Variants in ADCY6 observed in about 807,000 individuals in gnomAD.
ADCY6 encodes adenylate cyclase type 6.
Under a neutral mutation model 111.6 loss-of-function variants are expected in ADCY6, and 59 were observed. The observed-to-expected ratio is 0.53, with a 90% CI of 0.43 to 0.66. The LOEUF (loss-of-function observed/expected upper bound fraction) is 0.66. Ranked by LOEUF, ADCY6 falls within the 30% of genes least tolerant of loss-of-function variation. The pLI is 0.00. For missense variants in ADCY6, 1,242 were observed against 1,595.6 expected (o/e 0.78, Z 3.78); for synonymous variants, 576 against 642.9 (o/e 0.90, Z 1.57).
chr12:48,776,912 G>A lies in ADCY6; in HGVS notation c.1376+192C>T, dbSNP rs988375048. Among the ~76,000 whole-genome samples the A allele has an allele frequency of 8.5e-5, 13 of 152,168 alleles. No individual in the cohort carries two copies. The highest frequency in any genetic ancestry group is 1.4e-4 in the African/African-American group (6 of 41,440). On this transcript the variant is annotated intron_variant, in intron 6 of 21. Coordinates refer to ENST00000357869, the MANE Select transcript of ADCY6 (RefSeq NM_015270.5). The surrounding 1 kb of genome is among the most constrained non-coding windows in gnomAD (Gnocchi z 6.1). ...GCATAGGCTCTCCCGGCCCCATCTC[G>A]GCTGGCTGGGAGTCTAGGGGTCCGC...
rs753286159 is a variant in ADCY6 at position 48,777,370 on chromosome 12, G to A, written c.1248+40C>T. The A allele has an allele frequency of 1.2e-6, 2 of 1,609,392 alleles. No homozygotes were observed. Among genetic ancestry groups the A allele is most frequent in the South Asian group, 2.2e-5 (2 of 90,862 alleles). On this transcript the variant is annotated intron_variant, in intron 5 of 21. Coordinates refer to ENST00000357869, the MANE Select transcript of ADCY6 (RefSeq NM_015270.5). The surrounding 1 kb of genome is among the most constrained non-coding windows in gnomAD (Gnocchi z 4.9). ...CCAGCAAAGCTATGCTCTCACCACG[G>A]TCAACACCCAGGCCCAATCCCAAGG...
intron 2 of ADCY6, among the ~76,000 whole-genome samples, chr12:48,780,963 G>C (rs541065809): frequency 5.9e-5 from 9 of 152,168 alleles, no homozygotes; most frequent in Non-Finnish European, 1.2e-4. Context: ...CACTTTGGGA[G>C]GCCAAGGCGG....
chr12:48,786,687 C>G (rs1941984971), intron 1 of ADCY6, among the ~76,000 whole-genome samples: 1 of 152,192 alleles, frequency 6.6e-6, no homozygotes. Context: ...ACATCACCAA[C>G]AGCACCATCT....
At position 48,767,723 on chromosome 12, in the gene ADCY6, GA is replaced by G. The variant is rs1941413333; in HGVS notation, c.*867del. 1 of 152,796 alleles carries G rather than the reference GA, an allele frequency of 6.5e-6. No homozygotes were observed. Among genetic ancestry groups the G allele is most frequent in the South Asian group, 2.1e-4 (1 of 4,828 alleles). The allele number at this position is 152,796 out of a possible 1,614,324, so 9.5% of individuals were successfully genotyped here. A position where few individuals can be genotyped will look rare whatever the true frequency, so the allele number is the denominator to read the frequency against. On this transcript the variant is annotated 3_prime_UTR_variant, in exon 22 of 22. Coordinates refer to ENST00000357869, the MANE Select transcript of ADCY6 (RefSeq NM_015270.5). ...AGAGAGCACTGGGGCAGAGTGACCT[GA>G]TCTGGACCCCGACGGGGTCCTCAGA...
chr12:48,784,540 G>A (rs73296137), intron 1 of ADCY6, among the ~76,000 whole-genome samples: 1 of 151,866 alleles, frequency 6.6e-6, no homozygotes, highest in Non-Finnish European at 1.5e-5. Context: ...TTCAGAACTG[G>A]GAGGAAAAGA....
Position 48,774,970 on chromosome 12 carries a change from G to A in ADCY6, c.2065C>T (p.Leu689Phe), listed in dbSNP as rs1941655164. The A allele has an allele frequency of 6.4e-7, 1 of 1,555,508 alleles. No homozygotes were observed. Among genetic ancestry groups the A allele is most frequent in the African/African-American group, 1.4e-5 (1 of 73,216 alleles). The change falls in exon 12 of 22, where the codon CTC (leucine) becomes TTC (phenylalanine). Residue 689 changes from leucine to phenylalanine, a missense_variant. By Grantham distance (22) the Leu-to-Phe change is conservative. Around this residue, in one of 4 missense-constraint regions of ADCY6, gnomAD observed 375 missense variants for 432.5 expected, o/e 0.87. Coordinates refer to ENST00000357869, the MANE Select transcript of ADCY6 (RefSeq NM_015270.5). ...VFCFICFIQL[L>F]IFPHSTLMLG... ...CAGGGCTCTCACTGTGGGAAGATGA[G>A]AAGCTGGATGAAGCAGATGAAGCAG...
In ADCY6 at chr12:48,768,354, C is replaced by G; in HGVS notation, c.*237G>C. 2 of 584,690 alleles carry G rather than the reference C, an allele frequency of 3.4e-6. No individual in the cohort carries two copies. The highest frequency in any genetic ancestry group is 6.0e-6 in the Non-Finnish European group (2 of 333,484). 36.2% of individuals were successfully genotyped at this position (584,690 alleles called of 1,614,324 possible). Reference sequence around the variant, plus strand: ...AAAGGCTGGAAGATTGGAGAGGGAACAGCCCTACCCCAAGTAAGAAAGAAA... The same window carrying G: ...AAAGGCTGGAAGATTGGAGAGGGAAGAGCCCTACCCCAAGTAAGAAAGAAA... On this transcript the variant is annotated 3_prime_UTR_variant, in exon 22 of 22. Coordinates refer to ENST00000357869, the MANE Select transcript of ADCY6 (RefSeq NM_015270.5).
rs1170178295 is a variant in ADCY6, at chr12:48,782,376, C to T, written c.864+195G>A. 1.3e-5 allele frequency among the ~76,000 whole-genome samples: 2 copies of T among 152,126 alleles called. No homozygotes were observed. The highest frequency in any genetic ancestry group is 2.9e-5 in the Non-Finnish European group (2 of 68,022). On this transcript the variant is annotated intron_variant, in intron 2 of 21. Coordinates refer to ENST00000357869, the MANE Select transcript of ADCY6 (RefSeq NM_015270.5). The surrounding 1 kb of genome is among the most constrained non-coding windows in gnomAD (Gnocchi z 4.3). ...CCTCCCCTCAGCAGTGTCCTCTACC[C>T]CAGATCCCACATGGAGGCAGACCCC...
intron 20 of ADCY6, 128 bp downstream of exon 20, chr12:48,770,635 TAGG>T (rs1430057910): frequency 2.4e-6 from 2 of 844,418 alleles, no homozygotes; most frequent in African/African-American, 3.4e-5. Context: ...AGACTTGATA[TAGG>T]AGGTCAGAGG....
intron 16 of ADCY6, 41 bp downstream of exon 16, chr12:48,773,428 G>A (rs1957875515): frequency 6.3e-7 from 1 of 1,595,520 alleles, no homozygotes; most frequent in East Asian, 2.2e-5. Flanking sequence ...GAAAGGTGAG[G>A]GAAGCTCCTG....
rs767040322 is a variant in ADCY6 at position 48,777,571 on chromosome 12, C to G, written c.1136+44G>C. ...CAGAACACATAGCCCTCAAAGACTT[C>G]CAGACCCCCCGCCCTGCTGGGCATC... On this transcript the variant is annotated intron_variant, in intron 4 of 21. Coordinates refer to ENST00000357869, the MANE Select transcript of ADCY6 (RefSeq NM_015270.5). The surrounding 1 kb of genome is among the most constrained non-coding windows in gnomAD (Gnocchi z 4.9). The G allele has an allele frequency of 1.2e-6, 2 of 1,613,954 alleles. No individual in the cohort carries two copies. The highest frequency in any genetic ancestry group is 1.7e-6 in the Non-Finnish European group (2 of 1,179,906).
Position 48,777,555 on chromosome 12 carries a change from T to C in ADCY6, c.1137-34A>G, listed in dbSNP as rs776045316. On this transcript the variant is annotated intron_variant, in intron 4 of 21. Transcript: ENST00000357869. The surrounding 1 kb of genome is among the most constrained non-coding windows in gnomAD (Gnocchi z 4.9). Reference sequence around the variant, plus strand: ...GACAGCAGAGGATGAACAGAACACATAGCCCTCAAAGACTTCCAGACCCCC... The same window carrying C: ...GACAGCAGAGGATGAACAGAACACACAGCCCTCAAAGACTTCCAGACCCCC... The C allele has an allele frequency of 5.6e-6, 9 of 1,613,964 alleles. No homozygotes were observed. The highest frequency in any genetic ancestry group is 7.6e-6 in the Non-Finnish European group (9 of 1,179,946).
Position 48,777,797 on chromosome 12 carries a change from T to C in ADCY6, c.1015-61A>G, listed in dbSNP as rs775943611. Reference sequence around the variant, plus strand: ...CTTGGTCTCACATTGCAATCCCTCCTGGTCTCTCCACATCGCCAGAGCCCT... The same window carrying C: ...CTTGGTCTCACATTGCAATCCCTCCCGGTCTCTCCACATCGCCAGAGCCCT... On this transcript the variant is annotated intron_variant, in intron 3 of 21. Transcript: ENST00000357869. This position sits in a 1 kb window ranked among gnomAD's most constrained non-coding sequence, Gnocchi z 4.9. 226 of 1,598,984 alleles carry C rather than the reference T, an allele frequency of 1.4e-4. No homozygotes were observed. Among genetic ancestry groups the C allele is most frequent in the Non-Finnish European group, 1.7e-4 (203 of 1,173,090 alleles).
At chr12:48,785,288 T>C (rs992170672) in intron 1 of ADCY6, among the ~76,000 whole-genome samples, 1 of 152,226 alleles carries the variant, frequency 6.6e-6, no homozygotes, top group African/African-American at 2.4e-5. Flanking sequence ...CCTGCTGTGC[T>C]CACTGCTGTA....
chr12:48,773,791 C>T, intron 15 of ADCY6, 144 bp from the exon 16 acceptor site: 1 of 1,435,874 alleles, frequency 7.0e-7, no homozygotes, highest in East Asian at 2.5e-5. Flanking sequence ...ATGCCCAGCC[C>T]CTACAACACA....
At position 48,777,862 on chromosome 12, in the gene ADCY6, G is replaced by A. The variant is rs1565648586; in HGVS notation, c.1015-126C>T. On this transcript the variant is annotated intron_variant, in intron 3 of 21. Coordinates refer to ENST00000357869, the MANE Select transcript of ADCY6 (RefSeq NM_015270.5). The surrounding 1 kb of genome is among the most constrained non-coding windows in gnomAD (Gnocchi z 4.9). ...AAGACCTGACCTTCCCTTCTGGACT[G>A]TGGCCTGACCTTCCCCCATCAGAGC... 3 of 1,454,148 alleles carry A rather than the reference G, an allele frequency of 2.1e-6. No individual in the cohort carries two copies. The highest frequency in any genetic ancestry group is 2.3e-5 in the East Asian group (1 of 43,854). The allele number at this position is 1,454,148 out of a possible 1,614,324, so 90.1% of individuals were successfully genotyped here.
intron 20 of ADCY6, 30 bp downstream of exon 20, chr12:48,770,736 A>C: frequency 9.4e-6 from 15 of 1,604,148 alleles, no homozygotes; most frequent in African/African-American, 1.3e-5. Context: ...AAGTCCTGGG[A>C]AAACCCGCCA....
intron 18 of ADCY6, 84 bp from the exon 19 acceptor site, chr12:48,772,057 G>C (rs879124998): frequency 6.6e-6 from 10 of 1,515,746 alleles, no homozygotes; most frequent in Non-Finnish European, 8.8e-6. Context: ...GCGGATAAGA[G>C]GGAATCACAT....
chr12:48,779,887 G>C (rs76992105), intron 2 of ADCY6, among the ~76,000 whole-genome samples: 13,489 of 152,198 alleles, frequency 0.089, 822 homozygotes, highest in African/African-American at 0.18. Flanking sequence ...GTAAAACTGA[G>C]GGGGAGGCCT....
Sources: allele counts gnomAD v4.1 joint callset (sites outside exome capture counted in the v4.1 genomes callset), GRCh38; gene constraint gnomAD v4.1.1; regional missense constraint gnomAD v4.1.1; non-coding constraint Gnocchi (gnomAD v3.1); transcripts MANE v1.5; gene names NCBI Gene and HGNC (gene_info 2026-07-23, HGNC 2026-07-21).